Variants in TRPM2 observed in about 807,000 individuals in gnomAD.
The protein encoded by TRPM2 is transient receptor potential cation channel subfamily M member 2, also known as estrogen-responsive element-associated gene 1 protein.
TRPM2 carries 161 observed loss-of-function variants against 174.0 expected under a neutral mutation model. The observed-to-expected ratio is 0.93, with a 90% CI of 0.81 to 1.05. The LOEUF (loss-of-function observed/expected upper bound fraction) is 1.05. Among genes scored for constraint, TRPM2 ranks in the 50% least tolerant of loss-of-function variants. The pLI is 0.00. For synonymous variants in TRPM2, 954 were observed against 861.3 expected, an observed-to-expected ratio of 1.11 and a Z score of -1.88; for missense variants, 2,057 against 2,038.0, an observed-to-expected ratio of 1.01 and a Z score of -0.18.
intron 2 of TRPM2, among the ~76,000 whole-genome samples, chr21:44,357,210 G>T (rs894693263): frequency 3.9e-5 from 6 of 152,216 alleles, no homozygotes; most frequent in Admixed American, 3.9e-4. Context: ...ACCCTGACCT[G>T]CTGTGTCCTG....
chr21:44,391,609 C>A lies in TRPM2; in HGVS notation c.1778C>A (p.Pro593His), dbSNP rs756132426. Residue 593 changes from proline (P) to histidine (H), a missense_variant, in exon 11 of 32, where the codon CCC becomes CAC. By Grantham distance (77) the Pro-to-His change is moderately conservative. Coordinates refer to ENST00000397928, the MANE Select transcript of TRPM2 (RefSeq NM_003307.4). This position sits in a 1 kb window ranked among gnomAD's most constrained non-coding sequence, Gnocchi z 5.0. ...CGGCTGCGGCTCCTGCTGCCCGTTC[C>A]CCACGTCAAGCTCAACGTGCGTGCT... ...NDRLRLLLPV[P>H]HVKLNVQGVS... The A allele has an allele frequency of 6.3e-7, 1 of 1,579,388 alleles. No individual in the cohort carries two copies. Among genetic ancestry groups the A allele is most frequent in the South Asian group, 1.1e-5 (1 of 88,518 alleles).
At chr21:44,357,497 G>C (rs2048091867) in intron 2 of TRPM2, among the ~76,000 whole-genome samples, 1 of 152,224 alleles carries the variant, frequency 6.6e-6, no homozygotes, top group South Asian at 2.1e-4. Flanking sequence ...CACAGGCCGA[G>C]TCTGGAGAAT....
chr21:44,369,884 G>A (rs2049080560), intron 5 of TRPM2, among the ~76,000 whole-genome samples: 1 of 69,566 alleles, frequency 1.4e-5, no homozygotes, highest in Non-Finnish European at 3.0e-5. Flanking sequence ...CGGGTGCTGC[G>A]GGGAGCAGGT....
chr21:44,390,951 C>A lies in TRPM2; in HGVS notation c.1366C>A (p.Leu456Met), dbSNP rs756357570. ...TGGCCACGAGAACTGGGACCACCAGCTGAAACTGGCAGTGGCATGGAATCG... is the reference window on the plus strand; with the variant it reads ...TGGCCACGAGAACTGGGACCACCAGATGAAACTGGCAGTGGCATGGAATCG... ...HFGHENWDHQ[L>M]KLAVAWNRVD... Residue 456 changes from leucine (L) to methionine (M), a missense_variant, in exon 10 of 32, where the codon CTG (leucine) becomes ATG (methionine). Physicochemically the swap from Leu to Met is conservative, Grantham distance 15. Coordinates refer to ENST00000397928, the MANE Select transcript of TRPM2 (RefSeq NM_003307.4). The A allele has an allele frequency of 3.1e-6, 5 of 1,614,144 alleles. No homozygotes were observed. The highest frequency in any genetic ancestry group is 4.2e-6 in the Non-Finnish European group (5 of 1,180,040).
intron 22 of TRPM2, among the ~76,000 whole-genome samples, chr21:44,419,458 A>G (rs2050432191): frequency 6.7e-6 from 1 of 148,462 alleles, no homozygotes; most frequent in South Asian, 2.2e-4. Context: ...TGCTGGAACT[A>G]TAACCAGGGA....
chr21:44,426,644 C>T lies in TRPM2; in HGVS notation c.3796-16C>T, dbSNP rs1313098808. The T allele has an allele frequency of 6.2e-7, 1 of 1,614,084 alleles. No individual in the cohort carries two copies. Among genetic ancestry groups the T allele is most frequent in the African/African-American group, 1.3e-5 (1 of 75,072 alleles). On this transcript the variant is annotated splice_polypyrimidine_tract_variant and intron_variant, in intron 25 of 31. Coordinates refer to ENST00000397928, the MANE Select transcript of TRPM2 (RefSeq NM_003307.4). ...GGGGGTAAAAATCTGAGGGAAAACTCCCTGTTTTGCGACAGACGGAGTTCC... is the reference window on the plus strand; with the variant it reads ...GGGGGTAAAAATCTGAGGGAAAACTTCCTGTTTTGCGACAGACGGAGTTCC...
At chr21:44,375,110 A>G (rs2048656840) in intron 5 of TRPM2, among the ~76,000 whole-genome samples, 1 of 152,088 alleles carries the variant, frequency 6.6e-6, no homozygotes, top group Non-Finnish European at 1.5e-5. Context: ...GAGATCCGCT[A>G]TGTCGTCCAG....
At chr21:44,360,011 G>T (rs2048168613) in intron 2 of TRPM2, among the ~76,000 whole-genome samples, 1 of 152,054 alleles carries the variant, frequency 6.6e-6, no homozygotes, top group African/African-American at 2.4e-5. Flanking sequence ...CTCCCAAAGT[G>T]CTGGGATTAC....
chr21:44,441,806 G>A lies in TRPM2; in HGVS notation c.4501G>A (p.Ala1501Thr). 1 of 1,607,696 alleles carries A rather than the reference G, an allele frequency of 6.2e-7. No individual in the cohort carries two copies. Among genetic ancestry groups the A allele is most frequent in the Non-Finnish European group, 8.5e-7 (1 of 1,177,076 alleles). ...CCAGAAGGCAGCCGCTGAGTTCGGG[G>A]CTCACTACTGACTGTGCCCTCAGGC... ...LLQKAAAEFG[A>T]HY The change falls in exon 32 of 32, where the codon GCT becomes ACT. Residue 1501 changes from alanine to threonine, a missense_variant. Ala to Thr is a moderately conservative substitution (Grantham distance 58, BLOSUM62 0). Coordinates refer to ENST00000397928, the MANE Select transcript of TRPM2 (RefSeq NM_003307.4).
Position 44,442,279 on chromosome 21 carries a change from C to A in TRPM2, c.*462C>A, listed in dbSNP as rs1052332142. ...CTGCCACTCTCCCCAAGAGGGCCTC[C>A]ATGTTTCGAGGTGCCTCAACATGGA... On this transcript the variant is annotated 3_prime_UTR_variant, in exon 32 of 32. Coordinates refer to ENST00000397928, the MANE Select transcript of TRPM2 (RefSeq NM_003307.4). The A allele has an allele frequency of 6.5e-6, 1 of 154,460 alleles. No individual in the cohort carries two copies. The highest frequency in any genetic ancestry group is 1.4e-5 in the Non-Finnish European group (1 of 69,600). The allele number at this position is 154,460 out of a possible 1,614,324, so 9.6% of individuals were successfully genotyped here.
rs1445391323 is a variant in TRPM2, at chr21:44,353,844, C to A, written c.144C>A (p.Cys48Ter). 1 of 1,599,472 alleles carries A rather than the reference C, an allele frequency of 6.3e-7. No homozygotes were observed. Among genetic ancestry groups the A allele is most frequent in the Non-Finnish European group, 8.5e-7 (1 of 1,174,226 alleles). The part of the protein sequence containing the change: ...SSLFKSWRLQ[C>*]PFGNNDKQES... ...TCTTCAAGAGCTGGAGGCTACAGTGCCCCTTCGGCAACAATGACAAGGTAG... is the reference window on the plus strand; with the variant it reads ...TCTTCAAGAGCTGGAGGCTACAGTGACCCTTCGGCAACAATGACAAGGTAG... Residue 48 changes from cysteine (C) to a stop codon, truncating the protein, a stop_gained, in exon 1 of 32, where the codon TGC becomes TGA. Coordinates refer to ENST00000397928, the MANE Select transcript of TRPM2 (RefSeq NM_003307.4). LOFTEE classifies it high-confidence loss of function.
In TRPM2 at chr21:44,440,842, G is replaced by A. The variant is rs765080853; in HGVS notation, c.4323G>A (p.Glu1441=). The A allele has an allele frequency of 6.2e-7, 1 of 1,613,960 alleles. No homozygotes were observed. Among genetic ancestry groups the A allele is most frequent in the Non-Finnish European group, 8.5e-7 (1 of 1,180,002 alleles). The change falls in exon 31 of 32, where the codon GAG becomes GAA. Residue 1441 remains glutamate, a synonymous_variant. Coordinates refer to ENST00000397928, the MANE Select transcript of TRPM2 (RefSeq NM_003307.4). ...GGAACACGGACAATGCCTGGATCGA[G>A]ACGGTGGCCGTCAGCGTCCACTTCC... ...DPRNTDNAWI[E]TVAVSVHFQD...
Position 44,399,391 on chromosome 21 carries a change from C to T in TRPM2, c.2158C>T (p.Leu720Phe). 3 of 1,612,778 alleles carry T rather than the reference C, an allele frequency of 1.9e-6. No individual in the cohort carries two copies. Among genetic ancestry groups the T allele is most frequent in the East Asian group, 2.2e-5 (1 of 44,874 alleles). The change falls in exon 14 of 32, where the codon CTC becomes TTC. Residue 720 changes from leucine to phenylalanine, a missense_variant. Physicochemically the swap from Leu to Phe is conservative, Grantham distance 22. Coordinates refer to ENST00000397928, the MANE Select transcript of TRPM2 (RefSeq NM_003307.4). The surrounding 1 kb of genome is among the most constrained non-coding windows in gnomAD (Gnocchi z 4.6). ...EAWGKTTCLQ[L>F]ALEAKDMKFV... ...CTGGGGGAAGACCACCTGCCTGCAG[C>T]TCGCCCTGGAGGCCAAGGACATGAA... is the stretch of plus-strand genomic sequence containing the variant.
intron 7 of TRPM2, 54 bp from the exon 8 acceptor site, chr21:44,378,943 G>C (rs183451924): frequency 6.4e-7 from 1 of 1,557,794 alleles, no homozygotes; most frequent in Admixed American, 1.7e-5. Flanking sequence ...ATTTCAGAAA[G>C]CATCGGAGCG....
chr21:44,372,226 G>T (rs761654295), intron 5 of TRPM2, among the ~76,000 whole-genome samples: 2 of 152,134 alleles, frequency 1.3e-5, no homozygotes, highest in Non-Finnish European at 2.9e-5. Context: ...AAGCTTGGCC[G>T]AGTGCGGTGG....
In TRPM2 at chr21:44,438,772, G is replaced by C. The variant is rs1051731977; in HGVS notation, c.4168-295G>C. The stretch of plus-strand genomic sequence containing the variant: ...CAGGGGAGCGGGAAGGGGGTGCCCT[G>C]TCACCCTTGGGGAGTCTGAGCTCAG... On this transcript the variant is annotated intron_variant, in intron 29 of 31. Coordinates refer to ENST00000397928, the MANE Select transcript of TRPM2 (RefSeq NM_003307.4). The surrounding 1 kb of genome is among the most constrained non-coding windows in gnomAD (Gnocchi z 5.9). Among the ~76,000 whole-genome samples, 59 of 152,292 alleles carry C rather than the reference G, an allele frequency of 3.9e-4. No homozygotes were observed. The highest frequency in any genetic ancestry group is 1.3e-3 in the African/African-American group (52 of 41,570).
intron 7 of TRPM2, 55 bp from the exon 8 acceptor site, chr21:44,378,942 A>G: frequency 6.4e-7 from 1 of 1,551,626 alleles, no homozygotes; most frequent in Non-Finnish European, 8.8e-7. Flanking sequence ...CATTTCAGAA[A>G]GCATCGGAGC....
At position 44,391,550 on chromosome 21, in the gene TRPM2, G is replaced by A. The variant is rs777128031; in HGVS notation, c.1719G>A (p.Thr573=). ...QVLRELLGDF[T]QPLYPRPRHN... is the part of the protein sequence containing the mutation. Reference sequence around the variant, plus strand: ...TGCGGGAGCTGCTGGGGGACTTCACGCAGCCGCTTTATCCCCGGCCCCGGC... The same window carrying A: ...TGCGGGAGCTGCTGGGGGACTTCACACAGCCGCTTTATCCCCGGCCCCGGC... The change falls in exon 11 of 32, where the codon ACG becomes ACA. Residue 573 remains threonine (T), a synonymous_variant. Coordinates refer to ENST00000397928, the MANE Select transcript of TRPM2 (RefSeq NM_003307.4). This position sits in a 1 kb window ranked among gnomAD's most constrained non-coding sequence, Gnocchi z 5.0. The A allele has an allele frequency of 5.0e-6, 8 of 1,600,034 alleles. No individual in the cohort carries two copies. Among genetic ancestry groups the A allele is most frequent in the Middle Eastern group, 1.7e-4 (1 of 5,928 alleles).
At chr21:44,410,609 G>A (rs368050261) in intron 19 of TRPM2, among the ~76,000 whole-genome samples, 2 of 64,088 alleles carry the variant, frequency 3.1e-5, no homozygotes, top group African/African-American at 4.5e-5. Flanking sequence ...AGTTTTGACC[G>A]CACTGTCTTG....
Sources: allele counts gnomAD v4.1 joint callset (sites outside exome capture counted in the v4.1 genomes callset), GRCh38; gene constraint gnomAD v4.1.1; non-coding constraint Gnocchi (gnomAD v3.1); transcripts MANE v1.5; gene names NCBI Gene and HGNC (gene_info 2026-07-23, HGNC 2026-07-21).